CAP2: variants seen among roughly 807,000 people sequenced by gnomAD.
The protein encoded by CAP2 is adenylyl cyclase-associated protein 2.
Under a neutral mutation model 57.7 loss-of-function variants are expected in CAP2, and 24 were observed. The observed-to-expected ratio is 0.42, with a 90% CI of 0.30 to 0.58. CAP2 has a LOEUF of 0.58. Among genes scored for constraint, CAP2 ranks in the 20% least tolerant of loss-of-function variants. The pLI is 0.22. For synonymous variants in CAP2, 194 were observed against 207.2 expected (o/e 0.94, Z 0.55); for missense variants, 501 against 590.3 (o/e 0.85, Z 1.57).
chr6:17,505,959 C>T (rs142169908), intron 4 of CAP2, among the ~76,000 whole-genome samples: 1 of 152,264 alleles, frequency 6.6e-6, no homozygotes, highest in Non-Finnish European at 1.5e-5. Context: ...AGTGGTGAGT[C>T]ACAGCTCACT....
chr6:17,527,074 A>AT (rs1190524193), intron 7 of CAP2, among the ~76,000 whole-genome samples: 1 of 152,148 alleles, frequency 6.6e-6, no homozygotes, highest in Non-Finnish European at 1.5e-5. Flanking sequence ...CATATATAAT[A>AT]TGGAGCCAAA....
At chr6:17,501,584 TCTTTGAGGTCAAA>T (rs1283159280) in intron 4 of CAP2, among the ~76,000 whole-genome samples, 3 of 152,224 alleles carry the variant, frequency 2.0e-5, no homozygotes, top group African/African-American at 7.2e-5. Context: ...CAGTGATACA[TCTTTGAGGTCAAA>T]CTCCCAGAGT....
intron 4 of CAP2, among the ~76,000 whole-genome samples, chr6:17,472,735 G>T (rs1022135213): frequency 6.6e-6 from 1 of 152,190 alleles, no homozygotes; most frequent in Non-Finnish European, 1.5e-5. Context: ...AGAGGCAGGG[G>T]TTTGTGTGAT....
chr6:17,432,920 T>A (rs1198921727), intron 3 of CAP2, among the ~76,000 whole-genome samples: 8 of 151,552 alleles, frequency 5.3e-5, no homozygotes, highest in Non-Finnish European at 1.2e-4. Context: ...TTCTTTTACT[T>A]CCTTCCTTCC....
chr6:17,522,497 T>C (rs1762415699), intron 7 of CAP2, among the ~76,000 whole-genome samples: 1 of 152,200 alleles, frequency 6.6e-6, no homozygotes, highest in South Asian at 2.1e-4. Flanking sequence ...GACTCCTTCC[T>C]GGGTGGGCAC....
chr6:17,497,979 T>A (rs961885311), intron 4 of CAP2, among the ~76,000 whole-genome samples: 1 of 152,200 alleles, frequency 6.6e-6, no homozygotes, highest in Non-Finnish European at 1.5e-5. Context: ...ACATCGTGGG[T>A]CATTGTGTTA....
At chr6:17,444,639 C>CAA (rs59730697) in intron 3 of CAP2, among the ~76,000 whole-genome samples, 1,224 of 89,750 alleles carry the variant, frequency 0.014, 47 homozygotes, top group African/African-American at 0.045. Flanking sequence ...GACTCTGTCT[C>CAA]AAAAAAAAAA....
At position 17,543,449 on chromosome 6, in the gene CAP2, C is replaced by T. The variant is rs376857442; in HGVS notation, c.1209+306C>T. On this transcript the variant is annotated intron_variant, in intron 11 of 12. Coordinates refer to ENST00000229922, the MANE Select transcript of CAP2 (RefSeq NM_006366.3). ...TGGCTAACACAGTGAAACCCTGTCT[C>T]TACTAAAAATACGAAAACAAAATTA... Among the ~76,000 whole-genome samples the T allele has an allele frequency of 3.3e-5, 5 of 151,996 alleles. No homozygotes were observed. In the East Asian group the frequency reaches 5.9e-4, roughly 18 times the overall value.
At chr6:17,465,562 C>G (rs533336522) in intron 4 of CAP2, among the ~76,000 whole-genome samples, 1 of 152,282 alleles carries the variant, frequency 6.6e-6, no homozygotes, top group African/African-American at 2.4e-5. Flanking sequence ...CGTCCTACTA[C>G]TTCCACCTGA....
At chr6:17,416,126 T>C (rs1168686517) in intron 1 of CAP2, among the ~76,000 whole-genome samples, 1 of 151,884 alleles carries the variant, frequency 6.6e-6, no homozygotes, top group Non-Finnish European at 1.5e-5. Flanking sequence ...ATTTTCATTT[T>C]ATGGTAACCG....
intron 4 of CAP2, among the ~76,000 whole-genome samples, chr6:17,501,802 A>G (rs1466508046): frequency 6.6e-6 from 1 of 152,248 alleles, no homozygotes; most frequent in Non-Finnish European, 1.5e-5. Context: ...TCATAAAGAC[A>G]TGGAGTCCTA....
chr6:17,480,773 GTTTTT>G (rs79702682), intron 4 of CAP2, among the ~76,000 whole-genome samples: 1 of 136,368 alleles, frequency 7.3e-6, no homozygotes, highest in African/African-American at 2.8e-5. Flanking sequence ...GGTTTTTTTG[GTTTTT>G]TTTTTTTTTT....
intron 1 of CAP2, among the ~76,000 whole-genome samples, chr6:17,409,338 C>T (rs911184608): frequency 2.0e-5 from 3 of 151,544 alleles, no homozygotes; most frequent in Non-Finnish European, 4.4e-5. Context: ...CGCCACTGCA[C>T]TCCAGCCTGG....
intron 3 of CAP2, among the ~76,000 whole-genome samples, chr6:17,439,577 G>A (rs1170620108): frequency 6.6e-6 from 1 of 151,428 alleles, no homozygotes; most frequent in Non-Finnish European, 1.5e-5. Context: ...GATAGAATCA[G>A]TGAGAGCCCT....
rs58472723 is a variant in CAP2, at chr6:17,478,297, C to CTT, written c.300+15243_300+15244dup. ...CCACAGACGTGCACCACTACACCTA[C>CTT]TTTTTTTTTTTTTTTTTTTTGTATT... On this transcript the variant is annotated intron_variant, in intron 4 of 12. Transcript: ENST00000229922. 9.4e-3 allele frequency among the ~76,000 whole-genome samples: 1,128 copies of CTT among 120,378 alleles called. 43 individuals carry two copies. The highest frequency in any genetic ancestry group is 0.037 in the African/African-American group (1,069 of 28,820). The allele number at this position is 120,378 out of a possible 152,430, so 79.0% of individuals were successfully genotyped here. A position where few individuals can be genotyped will look rare whatever the true frequency, so the allele number is the denominator to read the frequency against.
intron 7 of CAP2, among the ~76,000 whole-genome samples, chr6:17,538,827 C>A (rs1309969892): frequency 6.6e-6 from 1 of 152,218 alleles, no homozygotes; most frequent in Non-Finnish European, 1.5e-5. Context: ...CCAATCACCA[C>A]TGAATATTTT....
chr6:17,491,950 G>T (rs371577176), intron 4 of CAP2, among the ~76,000 whole-genome samples: 1 of 152,166 alleles, frequency 6.6e-6, no homozygotes, highest in Non-Finnish European at 1.5e-5. Flanking sequence ...GGGCTTCCTC[G>T]CATGACCTGC....
intron 4 of CAP2, among the ~76,000 whole-genome samples, chr6:17,487,546 T>C (rs1761448237): frequency 6.6e-6 from 1 of 152,216 alleles, no homozygotes; most frequent in Non-Finnish European, 1.5e-5. Flanking sequence ...CTTGGCTCAC[T>C]GCAACCTCCG....
chr6:17,448,886 C>T (rs564318817), intron 3 of CAP2, among the ~76,000 whole-genome samples: 1 of 151,932 alleles, frequency 6.6e-6, no homozygotes, highest in African/African-American at 2.4e-5. Context: ...CTCAGCCTTC[C>T]GAGGACCTGG....
Sources: allele counts gnomAD v4.1 joint callset (sites outside exome capture counted in the v4.1 genomes callset), GRCh38; gene constraint gnomAD v4.1.1; transcripts MANE v1.5; gene names NCBI Gene and HGNC (gene_info 2026-07-23, HGNC 2026-07-21).